The following SLC6A9 variants were observed in gnomAD, a reference collection of about 807,000 sequenced individuals.
SLC6A9 encodes sodium- and chloride-dependent glycine transporter 1.
A neutral mutation model predicts 70.9 loss-of-function variants in SLC6A9; 31 were observed. The observed-to-expected ratio is 0.44, with a 90% CI of 0.33 to 0.59. The LOEUF is 0.59. Among genes scored for constraint, SLC6A9 ranks in the 20% least tolerant of loss-of-function variants. The pLI is 0.04. For synonymous variants in SLC6A9, 310 were observed against 341.3 expected (o/e 0.91, Z 1.01); for missense variants, 631 against 845.2 (o/e 0.75, Z 3.14).
At chr1:44,017,278 C>T in intron 2 of SLC6A9, 1 of 1,487,300 alleles carries the variant, frequency 6.7e-7, no homozygotes, top group East Asian at 2.6e-5. Flanking sequence ...CGGCCAGTCC[C>T]CATGCAGCCC....
intron 1 of SLC6A9, among the ~76,000 whole-genome samples, chr1:44,029,551 G>A (rs1221687913): frequency 6.6e-6 from 1 of 152,158 alleles, no homozygotes; most frequent in East Asian, 1.9e-4. Flanking sequence ...CTATCCCAAT[G>A]CTATTATCTT....
chr1:44,008,680 G>T, intron 4 of SLC6A9, 57 bp from the exon 5 acceptor site: 2 of 1,359,822 alleles, frequency 1.5e-6, no homozygotes, highest in Non-Finnish European at 2.0e-6. Flanking sequence ...AGGAGGTGAG[G>T]TTAATAATTT....
intron 2 of SLC6A9, among the ~76,000 whole-genome samples, chr1:44,021,175 C>T (rs912112629): frequency 7.2e-5 from 11 of 152,166 alleles, no homozygotes; most frequent in African/African-American, 1.7e-4. Context: ...GGCCCTGCTC[C>T]GCACGTGTAT....
At chr1:44,024,449 C>T (rs953870666) in intron 1 of SLC6A9, 87 bp from the exon 2 acceptor site, 9 of 734,746 alleles carry the variant, frequency 1.2e-5, no homozygotes, top group Non-Finnish European at 2.1e-5. Flanking sequence ...CACCCACCAC[C>T]AGCCTGCCCA....
At chr1:44,022,328 T>C (rs1005339164) in intron 2 of SLC6A9, among the ~76,000 whole-genome samples, 4 of 152,042 alleles carry the variant, frequency 2.6e-5, no homozygotes, top group African/African-American at 7.2e-5. Flanking sequence ...AGAATCTCCA[T>C]GGTAGGAAGG....
In SLC6A9 at chr1:43,997,780, A is replaced by G. The variant is rs1487361694; in HGVS notation, c.1708-41T>C. On this transcript the variant is annotated intron_variant, in intron 13 of 13. Transcript: ENST00000372310. This position sits in a 1 kb window ranked among gnomAD's most constrained non-coding sequence, Gnocchi z 4.4. ...ATGGGGCACAGGGGCAGGGCACGTC[A>G]GGAGGGAGCCCTTAAGCCCCTTCCA... 2 of 1,591,932 alleles carry G rather than the reference A, an allele frequency of 1.3e-6. No homozygotes were observed. The highest frequency in any genetic ancestry group is 4.5e-5 in the East Asian group (2 of 44,586).
chr1:43,999,513 C>T (rs1464337412), intron 12 of SLC6A9, among the ~76,000 whole-genome samples: 2 of 152,072 alleles, frequency 1.3e-5, no homozygotes, highest in African/African-American at 4.8e-5. Flanking sequence ...CTCTGAGCCG[C>T]AGAGGCTGAG....
chr1:44,019,148 AAATAC>A (rs1208375972), intron 2 of SLC6A9, among the ~76,000 whole-genome samples: 2 of 152,186 alleles, frequency 1.3e-5, no homozygotes, highest in African/African-American at 4.8e-5. Flanking sequence ...TGGTAATAGA[AAATAC>A]ATAGTAAGTG....
chr1:44,008,548 T>C lies in SLC6A9; in HGVS notation c.395A>G (p.Tyr132Cys), dbSNP rs752933742. The change falls in exon 5 of 14, where the codon TAC (tyrosine) becomes TGC (cysteine). Residue 132 changes from tyrosine to cysteine, a missense_variant. Physicochemically the swap from Tyr to Cys is radical, Grantham distance 194 (BLOSUM62 -2). Transcript: ENST00000372310. ...GTGCGTCATGGACGAGAAGAAGTAGTAGAAGGCGATGCAGATGACCACATT... is the reference window on the plus strand; with the variant it reads ...GTGCGTCATGGACGAGAAGAAGTAGCAGAAGGCGATGCAGATGACCACATT... ...YYNVVICIAF[Y>C]YFFSSMTHVL... 2.5e-6 allele frequency: 4 copies of C among 1,613,882 alleles called. No individual in the cohort carries two copies. The highest frequency in any genetic ancestry group is 4.5e-5 in the East Asian group (2 of 44,878).
At chr1:44,030,890 C>T (rs1265321523) in intron 1 of SLC6A9, among the ~76,000 whole-genome samples, 1 of 152,084 alleles carries the variant, frequency 6.6e-6, no homozygotes, top group Non-Finnish European at 1.5e-5. Flanking sequence ...GCCCCCAGAG[C>T]GCAGAACCAC....
intron 1 of SLC6A9, among the ~76,000 whole-genome samples, chr1:44,030,117 C>G (rs2087070153): frequency 6.6e-6 from 1 of 152,070 alleles, no homozygotes; most frequent in Non-Finnish European, 1.5e-5. Flanking sequence ...TAAGTATCCG[C>G]CGGCCCGAGG....
rs1433180814 is a variant in SLC6A9 at position 44,002,582 on chromosome 1, G to T, written c.788C>A (p.Thr263Asn). The change falls in exon 7 of 14, where the codon ACC (threonine) becomes AAC (asparagine). Residue 263 changes from threonine to asparagine, a missense_variant. By Grantham distance (65) the Thr-to-Asn change is moderately conservative. Coordinates refer to ENST00000372310, the MANE Select transcript of SLC6A9 (RefSeq NM_001024845.3). The surrounding 1 kb of genome is among the most constrained non-coding windows in gnomAD (Gnocchi z 5.5). The part of the protein sequence containing the change: ...VLTILFVRGV[T>N]LEGAFDGIMY... Reference sequence around the variant, plus strand: ...GATGCCGTCAAAGGCTCCCTCCAGGGTCACTCCGCGGACAAACAGAATGGT... The same window carrying T: ...GATGCCGTCAAAGGCTCCCTCCAGGTTCACTCCGCGGACAAACAGAATGGT... 2 of 1,613,948 alleles carry T rather than the reference G, an allele frequency of 1.2e-6. No homozygotes were observed. The highest frequency in any genetic ancestry group is 2.7e-5 in the African/African-American group (2 of 74,900).
intron 5 of SLC6A9, among the ~76,000 whole-genome samples, chr1:44,007,892 C>CT (rs55829171): frequency 1.6e-4 from 21 of 128,954 alleles, no homozygotes; most frequent in East Asian, 1.3e-3. Context: ...TGCTTTCTTT[C>CT]TTTTTTTTTT....
In SLC6A9 at chr1:44,002,943, C is replaced by T. The variant is rs1326145274; in HGVS notation, c.633G>A (p.Gly211=). Reference sequence around the variant, plus strand: ...AGCCAAGGAGGGGCAGCCGCACCTCCCCAAAGTTCCCAATGTCATCTGACA... The same window carrying T: ...AGCCAAGGAGGGGCAGCCGCACCTCTCCAAAGTTCCCAATGTCATCTGACA... ...LKLSDDIGNF[G]EVRLPLLGCL... The change falls in exon 6 of 14, where the codon GGG becomes GGA. Residue 211 remains glycine (G), a synonymous_variant. Coordinates refer to ENST00000372310, the MANE Select transcript of SLC6A9 (RefSeq NM_001024845.3). This position sits in a 1 kb window ranked among gnomAD's most constrained non-coding sequence, Gnocchi z 5.5. 1 of 1,614,168 alleles carries T rather than the reference C, an allele frequency of 6.2e-7. No homozygotes were observed. Among genetic ancestry groups the T allele is most frequent in the Non-Finnish European group, 8.5e-7 (1 of 1,179,992 alleles).
At chr1:44,022,042 G>A (rs11586765) in intron 2 of SLC6A9, among the ~76,000 whole-genome samples, 1 of 152,276 alleles carries the variant, frequency 6.6e-6, no homozygotes, top group African/African-American at 2.4e-5. Flanking sequence ...CCAAAGGGCA[G>A]AGAGCGGGGA....
intron 3 of SLC6A9, chr1:44,010,483 TCTC>T: frequency 3.4e-6 from 1 of 290,150 alleles, no homozygotes; most frequent in Non-Finnish European, 6.7e-6. Context: ...TAGGTCCTTT[TCTC>T]ACCTCTCCTC....
rs200011312 is a variant in SLC6A9, at chr1:44,011,582, C to T, written c.31-700G>A. 115 of 1,613,850 alleles carry T rather than the reference C, an allele frequency of 7.1e-5. No homozygotes were observed. Among genetic ancestry groups the T allele is most frequent in the Admixed American group, 1.0e-4 (6 of 59,996 alleles). On this transcript the variant is annotated intron_variant, in intron 2 of 13. Transcript: ENST00000372310. The stretch of plus-strand genomic sequence containing the variant: ...TGACCTGGGCCATGGCTAGGGAGTG[C>T]TGGGCCATGAGTTGGGGAAGGAGAC...
chr1:44,015,551 TCA>T (rs1479159015), intron 2 of SLC6A9, among the ~76,000 whole-genome samples: 1 of 152,238 alleles, frequency 6.6e-6, no homozygotes, highest in Non-Finnish European at 1.5e-5. Context: ...CCAAATCAGA[TCA>T]CTGGCAACTT....
chr1:44,024,431 T>A (rs1321380738), intron 1 of SLC6A9, 69 bp from the exon 2 acceptor site: 1 of 905,592 alleles, frequency 1.1e-6, no homozygotes, highest in East Asian at 2.5e-5. Flanking sequence ...AGACAGGTAG[T>A]GCCGAGCCAC....
Sources: allele counts gnomAD v4.1 joint callset (sites outside exome capture counted in the v4.1 genomes callset), GRCh38; gene constraint gnomAD v4.1.1; non-coding constraint Gnocchi (gnomAD v3.1); transcripts MANE v1.5; gene names NCBI Gene and HGNC (gene_info 2026-07-23, HGNC 2026-07-21).